Variants in DSCAM observed in about 807,000 individuals in gnomAD.
The protein encoded by DSCAM is cell adhesion molecule DSCAM.
DSCAM carries 47 observed loss-of-function variants against 217.7 expected under a neutral mutation model. The observed-to-expected ratio is 0.22, with a 90% CI of 0.17 to 0.28. The LOEUF (loss-of-function observed/expected upper bound fraction) is 0.28, where lower values mean the gene tolerates loss of function less well. Ranked by LOEUF, DSCAM falls within the 10% of genes least tolerant of loss-of-function variation. The probability of loss-of-function intolerance (pLI) is 1.00; values close to 1 mark genes in which losing one functional copy is unlikely to be tolerated. For missense variants in DSCAM, 2,080 were observed against 2,618.3 expected (o/e 0.79, Z 4.49); for synonymous variants, 1,056 against 1,015.3 (o/e 1.04, Z -0.76).
At chr21:40,759,940 C>T (rs1306736854) in intron 1 of DSCAM, among the ~76,000 whole-genome samples, 1 of 151,784 alleles carries the variant, frequency 6.6e-6, no homozygotes, top group Non-Finnish European at 1.5e-5. Context: ...GAATCAGGAG[C>T]TGTATTGGAT....
At chr21:40,593,867 T>C (rs1376928945) in intron 3 of DSCAM, among the ~76,000 whole-genome samples, 1 of 152,240 alleles carries the variant, frequency 6.6e-6, no homozygotes, top group Non-Finnish European at 1.5e-5. Context: ...AAATAGCTGC[T>C]AACATTTGCT....
At chr21:40,799,821 G>A (rs577997152) in intron 1 of DSCAM, among the ~76,000 whole-genome samples, 1 of 152,206 alleles carries the variant, frequency 6.6e-6, no homozygotes, top group East Asian at 1.9e-4. Context: ...CTAATCTCAA[G>A]AGCCTAAATT....
chr21:40,605,091 T>C lies in DSCAM; in HGVS notation c.508+87719A>G, dbSNP rs1347367595. On this transcript the variant is annotated intron_variant, in intron 3 of 32. Coordinates refer to ENST00000400454, the MANE Select transcript of DSCAM (RefSeq NM_001389.5). ...GGAGGGGATTTTTCTCTGACCTTCA[T>C]GTGAGAATCTGGTGAGCTTCCTGGA... Among the ~76,000 whole-genome samples the C allele has an allele frequency of 2.6e-5, 4 of 152,242 alleles. No homozygotes were observed. In the East Asian group the frequency reaches 7.7e-4, roughly 29 times the overall value.
At chr21:40,726,532 A>G (rs2090956888) in intron 1 of DSCAM, among the ~76,000 whole-genome samples, 1 of 144,870 alleles carries the variant, frequency 6.9e-6, no homozygotes, top group Non-Finnish European at 1.5e-5. Context: ...TGAACATAGA[A>G]GAGTCAGCTT....
chr21:40,555,920 T>C (rs1266766470), intron 3 of DSCAM, among the ~76,000 whole-genome samples: 1 of 152,156 alleles, frequency 6.6e-6, no homozygotes, highest in Non-Finnish European at 1.5e-5. Context: ...TACAGGTGTG[T>C]GAGCCACCAT....
At chr21:40,174,660 G>T (rs539945318) in intron 15 of DSCAM, among the ~76,000 whole-genome samples, 1 of 152,272 alleles carries the variant, frequency 6.6e-6, no homozygotes, top group South Asian at 2.1e-4. Flanking sequence ...CACTGAGGGG[G>T]TATGGTCAGC....
chr21:40,693,265 T>C (rs921898236), intron 2 of DSCAM, among the ~76,000 whole-genome samples: 1 of 152,030 alleles, frequency 6.6e-6, no homozygotes, highest in Admixed American at 6.6e-5. Context: ...CAACACCCCA[T>C]CTCTACTAAA....
chr21:40,535,160 ACACT>A (rs943077891), intron 3 of DSCAM, among the ~76,000 whole-genome samples: 1 of 152,196 alleles, frequency 6.6e-6, no homozygotes, highest in African/African-American at 2.4e-5. Flanking sequence ...GGATACAATG[ACACT>A]CTCTATCTTA....
At chr21:40,323,279 A>G (rs925161247) in intron 8 of DSCAM, among the ~76,000 whole-genome samples, 6 of 152,194 alleles carry the variant, frequency 3.9e-5, no homozygotes, top group Non-Finnish European at 8.8e-5. Flanking sequence ...CAGCTTCCCG[A>G]AAAACCCAAC....
At position 40,061,548 on chromosome 21, in the gene DSCAM, G is replaced by A. The variant is rs544176788; in HGVS notation, c.4919+1321C>T. ...CGCACCATTGCACTCCAGCCTGGGCGACAAGAGCAAAACTCTGTCCCAAAA... is the reference window on the plus strand; with the variant it reads ...CGCACCATTGCACTCCAGCCTGGGCAACAAGAGCAAAACTCTGTCCCAAAA... On this transcript the variant is annotated intron_variant, in intron 28 of 32. Coordinates refer to ENST00000400454, the MANE Select transcript of DSCAM (RefSeq NM_001389.5). Among the ~76,000 whole-genome samples the A allele has an allele frequency of 6.5e-5, 9 of 139,290 alleles. No individual in the cohort carries two copies. In the East Asian group the frequency reaches 1.5e-3, roughly 23 times the overall value. The allele number at this position is 139,290 out of a possible 152,430, so 91.4% of individuals were successfully genotyped here. A position where few individuals can be genotyped will look rare whatever the true frequency, so the allele number is the denominator to read the frequency against.
chr21:40,124,260 G>T lies in DSCAM; in HGVS notation c.3631C>A (p.Pro1211Thr). ...ATGATGCCGTTCAGCTTGAGAGGGG[G>T]AAGCCAGGACACAAAGACCATGGAG... ...SASMVFVSWL[P>T]PLKLNGIIRK... The change falls in exon 20 of 33, where the codon CCC becomes ACC. Residue 1211 changes from proline (P) to threonine (T), a missense_variant. Pro to Thr is a conservative substitution (Grantham distance 38, BLOSUM62 -1). Around this residue, in one of 5 missense-constraint regions of DSCAM, gnomAD observed 1,144 missense variants for 1,421.1 expected, o/e 0.81. Transcript: ENST00000400454. 1 of 1,613,980 alleles carries T rather than the reference G, an allele frequency of 6.2e-7. No homozygotes were observed. Among genetic ancestry groups the T allele is most frequent in the Non-Finnish European group, 8.5e-7 (1 of 1,180,014 alleles).
In DSCAM at chr21:40,345,141, CTT is replaced by C. The variant is rs535471900; in HGVS notation, c.1210+2527_1210+2528del. Among the ~76,000 whole-genome samples the C allele has an allele frequency of 1.8e-3, 267 of 152,242 alleles. 2 individuals carry two copies. The highest frequency in any genetic ancestry group is 5.0e-3 in the African/African-American group (206 of 41,554). On this transcript the variant is annotated intron_variant, in intron 6 of 32. Transcript: ENST00000400454. ...TGTTGGTCTTTCCCATACGTTCACT[CTT>C]TCAGTCCATATTTTCCTGTAAGTTA...
Position 40,598,775 on chromosome 21 carries a change from T to A in DSCAM, c.508+94035A>T, listed in dbSNP as rs575678206. 3.3e-4 allele frequency among the ~76,000 whole-genome samples: 51 copies of A among 152,248 alleles called. 1 individual carries two copies. The highest frequency in any genetic ancestry group is 1.2e-3 in the African/African-American group (49 of 41,542). Reference sequence around the variant, plus strand: ...ACCTCGGCCTCCCAAAGTGCTGGGATTACAGGCGTGAGCCACCGCGACTGG... The same window carrying A: ...ACCTCGGCCTCCCAAAGTGCTGGGAATACAGGCGTGAGCCACCGCGACTGG... On this transcript the variant is annotated intron_variant, in intron 3 of 32. Transcript: ENST00000400454.
chr21:40,026,940 G>C (rs1478154136), intron 32 of DSCAM, among the ~76,000 whole-genome samples: 1 of 152,306 alleles, frequency 6.6e-6, no homozygotes, highest in East Asian at 1.9e-4. Context: ...TGGTTATTTT[G>C]CTCGTTAGTT....
intron 1 of DSCAM, among the ~76,000 whole-genome samples, chr21:40,806,544 C>T (rs2091789302): frequency 6.6e-6 from 1 of 152,142 alleles, no homozygotes; most frequent in Non-Finnish European, 1.5e-5. Flanking sequence ...ACTCAAAATC[C>T]ACCCTTCATT....
In DSCAM at chr21:40,039,260, T is replaced by C. The variant is rs140542356; in HGVS notation, c.5686+3111A>G. On this transcript the variant is annotated intron_variant, in intron 32 of 32. Transcript: ENST00000400454. ...AGAAAAAAATACCAATGTAGGTTTT[T>C]GAATATGTGAAGGAAAAACTGATTA... is the stretch of plus-strand genomic sequence containing the variant. 6.8e-4 allele frequency among the ~76,000 whole-genome samples: 104 copies of C among 152,066 alleles called. 1 individual carries two copies. In the East Asian group the frequency reaches 0.014, roughly 20 times the overall value.
At chr21:40,056,517 G>A (rs1169417183) in intron 28 of DSCAM, among the ~76,000 whole-genome samples, 1 of 151,468 alleles carries the variant, frequency 6.6e-6, no homozygotes, top group African/African-American at 2.4e-5. Context: ...CTGCATGGTA[G>A]AATCGGATTC....
At chr21:40,157,689 T>C (rs529026550) in intron 16 of DSCAM, among the ~76,000 whole-genome samples, 4 of 69,756 alleles carry the variant, frequency 5.7e-5, no homozygotes, top group Non-Finnish European at 1.5e-4. Context: ...TCTTTCCTTT[T>C]CTTTTTTCTT....
intron 1 of DSCAM, among the ~76,000 whole-genome samples, chr21:40,793,355 A>T (rs1489769268): frequency 6.6e-6 from 1 of 152,234 alleles, no homozygotes; most frequent in Non-Finnish European, 1.5e-5. Context: ...GGTTTGCAGC[A>T]TTAGAACATG....
Sources: gnomAD v4.1 joint callset for allele counts (sites outside exome capture counted in the v4.1 genomes callset) on GRCh38, gnomAD v4.1.1 for gene constraint, gnomAD v4.1.1 regional missense constraint, MANE v1.5 for transcripts, NCBI Gene and HGNC (gene_info 2026-07-23, HGNC 2026-07-21) for gene names.